The following FOCAD variants were observed in gnomAD, a reference collection of about 807,000 sequenced individuals.
FOCAD encodes KIAA1797.
A neutral mutation model predicts 225.6 loss-of-function variants in FOCAD; 198 were observed. That is an observed-to-expected ratio of 0.88 (90% CI 0.78 to 0.99). FOCAD has a LOEUF of 0.99. Ranked by LOEUF, FOCAD falls within the 50% of genes least tolerant of loss-of-function variation. The pLI is 0.00. For synonymous variants in FOCAD, 897 were observed against 755.0 expected (o/e 1.19, Z -3.08); for missense variants, 2,713 against 2,123.6 (o/e 1.28, Z -5.46).
At chr9:20,936,673 A>C (rs569694723) in intron 28 of FOCAD, among the ~76,000 whole-genome samples, 1 of 152,036 alleles carries the variant, frequency 6.6e-6, no homozygotes, top group African/African-American at 2.4e-5. Context: ...CTAAAAATAC[A>C]AAAAAAACAG....
intron 35 of FOCAD, among the ~76,000 whole-genome samples, chr9:20,969,242 A>T (rs1181364005): frequency 6.6e-6 from 1 of 152,182 alleles, no homozygotes; most frequent in East Asian, 1.9e-4. Flanking sequence ...GTGTATTCTG[A>T]TGGTGTTGAG....
intron 10 of FOCAD, among the ~76,000 whole-genome samples, chr9:20,787,875 G>T (rs909720311): frequency 1.3e-5 from 2 of 151,872 alleles, no homozygotes; most frequent in African/African-American, 4.8e-5. Flanking sequence ...ATTTTCACTT[G>T]GGGGAATCTT....
chr9:20,968,628 G>C (rs929296950), intron 35 of FOCAD, among the ~76,000 whole-genome samples: 4 of 151,748 alleles, frequency 2.6e-5, no homozygotes, highest in South Asian at 2.1e-4. Context: ...TTTTAGTAGA[G>C]ATGGGGTTTG....
chr9:20,796,813 A>C, intron 11 of FOCAD, among the ~76,000 whole-genome samples: 1 of 151,562 alleles, frequency 6.6e-6, no homozygotes, highest in Non-Finnish European at 1.5e-5. Context: ...GAAGCTCTTT[A>C]GTTCAATTAG....
chr9:20,776,610 A>C (rs1270846425), intron 8 of FOCAD, among the ~76,000 whole-genome samples: 1 of 152,070 alleles, frequency 6.6e-6, no homozygotes, highest in East Asian at 1.9e-4. Flanking sequence ...GGCCAGTCTC[A>C]CCCTTCCTGG....
Position 20,768,146 on chromosome 9 carries a change from C to T in FOCAD, c.700-1886C>T, listed in dbSNP as rs927205274. Among the ~76,000 whole-genome samples, 542 of 148,284 alleles carry T rather than the reference C, an allele frequency of 3.7e-3. 3 individuals carry two copies. Among genetic ancestry groups the T allele is most frequent in the African/African-American group, 9.5e-3 (384 of 40,326 alleles). Reference sequence around the variant, plus strand: ...AGATCAGATAGTTGTAGATATGCGGCGTTATTTCTGAGGGCTCTGTTCTGT... The same window carrying T: ...AGATCAGATAGTTGTAGATATGCGGTGTTATTTCTGAGGGCTCTGTTCTGT... On this transcript the variant is annotated intron_variant, in intron 7 of 43. Coordinates refer to ENST00000338382, the MANE Select transcript of FOCAD (RefSeq NM_001375567.1).
chr9:20,918,412 G>GTAT (rs1834052629), intron 24 of FOCAD, among the ~76,000 whole-genome samples: 1 of 152,106 alleles, frequency 6.6e-6, no homozygotes, highest in Non-Finnish European at 1.5e-5. Flanking sequence ...TGTTCTCATG[G>GTAT]TATTACCTTC....
chr9:20,750,848 A>G (rs999842767), intron 5 of FOCAD, among the ~76,000 whole-genome samples: 1 of 152,120 alleles, frequency 6.6e-6, no homozygotes, highest in Non-Finnish European at 1.5e-5. Flanking sequence ...GCATAGAATT[A>G]TTAGTAGCTG....
At chr9:20,831,273 T>C (rs745446165) in intron 15 of FOCAD, among the ~76,000 whole-genome samples, 35 of 152,132 alleles carry the variant, frequency 2.3e-4, no homozygotes, top group Non-Finnish European at 3.5e-4. Context: ...ATTTATTCAT[T>C]CTCCGGTAGG....
intron 15 of FOCAD, among the ~76,000 whole-genome samples, chr9:20,862,288 TG>T (rs1375565186): frequency 6.6e-6 from 1 of 152,072 alleles, no homozygotes; most frequent in Non-Finnish European, 1.5e-5. Context: ...GAGTTAATTT[TG>T]TGTGTGTCGG....
chr9:20,896,341 C>G (rs1294905466), intron 21 of FOCAD, among the ~76,000 whole-genome samples: 2 of 151,762 alleles, frequency 1.3e-5, no homozygotes, highest in African/African-American at 4.8e-5. Flanking sequence ...ATACCTTTGT[C>G]TAGTTTTAAT....
intron 5 of FOCAD, among the ~76,000 whole-genome samples, chr9:20,757,128 C>T (rs1205496648): frequency 6.6e-6 from 1 of 152,134 alleles, no homozygotes; most frequent in Non-Finnish European, 1.5e-5. Flanking sequence ...AGGGTTTCTC[C>T]ATGTTGGTCA....
At chr9:20,659,681 A>G (rs1175387208) in intron 2 of FOCAD, among the ~76,000 whole-genome samples, 1 of 152,158 alleles carries the variant, frequency 6.6e-6, no homozygotes, top group Admixed American at 6.5e-5. Flanking sequence ...AAGTCACCCA[A>G]CCTGTGATAC....
intron 15 of FOCAD, among the ~76,000 whole-genome samples, chr9:20,832,009 T>C (rs1260190717): frequency 1.3e-5 from 2 of 152,142 alleles, no homozygotes; most frequent in African/African-American, 2.4e-5. Context: ...TTCATTCTTG[T>C]GGCAACATGT....
At chr9:20,668,536 T>C (rs926915698) in intron 2 of FOCAD, among the ~76,000 whole-genome samples, 35 of 152,160 alleles carry the variant, frequency 2.3e-4, no homozygotes, top group African/African-American at 8.2e-4. Context: ...CATCAAAAAA[T>C]TACAGGGGGA....
intron 1 of FOCAD, among the ~76,000 whole-genome samples, chr9:20,688,840 G>A (rs758984131): frequency 5.3e-5 from 8 of 152,184 alleles, no homozygotes; most frequent in Non-Finnish European, 7.3e-5. Flanking sequence ...GATAGGCCTG[G>A]ATCATTAATT....
chr9:20,981,651 G>A lies in FOCAD; in HGVS notation c.4603G>A (p.Gly1535Arg), dbSNP rs1840710707. The A allele has an allele frequency of 6.2e-7, 1 of 1,611,310 alleles. No homozygotes were observed. The highest frequency in any genetic ancestry group is 8.5e-7 in the Non-Finnish European group (1 of 1,178,902). Residue 1535 changes from glycine (G) to arginine (R), a missense_variant, in exon 38 of 44, where the codon GGG (glycine) becomes AGG (arginine). Transcript: ENST00000338382. The stretch of plus-strand genomic sequence containing the variant: ...CTGGAGTCTGCTCTCTGAAGCTACT[G>A]GGAAAATTTTTGACCTCCTGCCAAA... ...HLWSLLSEAT[G>R]KIFDLLPNKI...
intron 1 of FOCAD, among the ~76,000 whole-genome samples, chr9:20,700,433 C>A (rs765168361): frequency 6.7e-6 from 1 of 150,018 alleles, no homozygotes; most frequent in East Asian, 1.9e-4. Flanking sequence ...AAATTTATGA[C>A]AGCATAATGA....
At chr9:20,769,641 C>A (rs921126578) in intron 7 of FOCAD, among the ~76,000 whole-genome samples, 3 of 152,230 alleles carry the variant, frequency 2.0e-5, no homozygotes, top group Non-Finnish European at 4.4e-5. Context: ...CATGCTGACT[C>A]TTTACTATCA....
Sources: gnomAD v4.1 joint callset for allele counts (sites outside exome capture counted in the v4.1 genomes callset) on GRCh38, gnomAD v4.1.1 for gene constraint, MANE v1.5 for transcripts, NCBI Gene and HGNC (gene_info 2026-07-23, HGNC 2026-07-21) for gene names.